Variants in CNTN4 observed in about 807,000 individuals in gnomAD.
CNTN4 encodes contactin 4, also known as contactin-4.
CNTN4 carries 77 observed loss-of-function variants against 122.5 expected under a neutral mutation model. The ratio of observed to expected loss-of-function variants is 0.63; its 90% CI spans 0.52 to 0.76. The LOEUF is 0.76. CNTN4 is among the 30% of genes least tolerant of loss of function. The probability of loss-of-function intolerance (pLI) is 0.00; values close to 1 mark genes in which losing one functional copy is unlikely to be tolerated. For missense variants in CNTN4, 1,256 were observed against 1,259.1 expected (o/e 1.00, Z 0.04); for synonymous variants, 512 against 447.0 (o/e 1.15, Z -1.83).
At chr3:2,175,516 T>C (rs1363756972) in intron 2 of CNTN4, among the ~76,000 whole-genome samples, 1 of 152,164 alleles carries the variant, frequency 6.6e-6, no homozygotes, top group Non-Finnish European at 1.5e-5. Flanking sequence ...GATTGTAAAC[T>C]CCATACAAGA....
chr3:2,103,642 G>A (rs2032180932), intron 2 of CNTN4, among the ~76,000 whole-genome samples: 1 of 152,076 alleles, frequency 6.6e-6, no homozygotes, highest in Non-Finnish European at 1.5e-5. Context: ...CAAAGGTATT[G>A]CTCTTTATCA....
At chr3:2,779,945 A>G (rs1334904122) in intron 6 of CNTN4, among the ~76,000 whole-genome samples, 2 of 152,258 alleles carry the variant, frequency 1.3e-5, no homozygotes, top group Non-Finnish European at 2.9e-5. Context: ...AGATAGTGAC[A>G]TAAGAAATTT....
At chr3:2,799,352 C>T (rs2092289533) in intron 6 of CNTN4, among the ~76,000 whole-genome samples, 1 of 152,098 alleles carries the variant, frequency 6.6e-6, no homozygotes, top group Non-Finnish European at 1.5e-5. Flanking sequence ...TTTCATGTGT[C>T]TATTTTGGCT....
intron 3 of CNTN4, among the ~76,000 whole-genome samples, chr3:2,467,633 C>T (rs2075549530): frequency 6.6e-6 from 1 of 152,038 alleles, no homozygotes; most frequent in Non-Finnish European, 1.5e-5. Flanking sequence ...TGTAAAGGTC[C>T]AGGTAGAATG....
intron 13 of CNTN4, among the ~76,000 whole-genome samples, chr3:2,960,184 G>A (rs1186728293): frequency 6.6e-6 from 1 of 152,118 alleles, no homozygotes; most frequent in East Asian, 1.9e-4. Context: ...AGTGAAAATT[G>A]GTTTGAGATA....
At chr3:2,217,949 A>G (rs2038916141) in intron 2 of CNTN4, among the ~76,000 whole-genome samples, 1 of 152,228 alleles carries the variant, frequency 6.6e-6, no homozygotes, top group African/African-American at 2.4e-5. Context: ...TTTAAAGTCT[A>G]TCAGAGGGAG....
At chr3:2,142,099 T>G (rs1250667709) in intron 2 of CNTN4, among the ~76,000 whole-genome samples, 2 of 152,220 alleles carry the variant, frequency 1.3e-5, no homozygotes, top group Non-Finnish European at 2.9e-5. Flanking sequence ...GTAAATGTGA[T>G]GGACACTGCT....
intron 5 of CNTN4, among the ~76,000 whole-genome samples, chr3:2,744,976 G>T (rs2089674275): frequency 6.6e-6 from 1 of 152,124 alleles, no homozygotes; most frequent in African/African-American, 2.4e-5. Context: ...GTGATCCACG[G>T]TTAAAGCAGG....
intron 13 of CNTN4, among the ~76,000 whole-genome samples, chr3:2,985,746 C>T (rs893201278): frequency 3.9e-5 from 6 of 152,050 alleles, no homozygotes; most frequent in African/African-American, 1.4e-4. Context: ...TACCTTGATT[C>T]GGGATGACTC....
chr3:2,764,919 C>T (rs576274669), intron 6 of CNTN4, among the ~76,000 whole-genome samples: 8 of 152,280 alleles, frequency 5.3e-5, no homozygotes, highest in African/African-American at 1.7e-4. Flanking sequence ...CTTCACACAG[C>T]TGGGAAGTTG....
chr3:2,801,843 T>TAGA (rs2092355468), intron 6 of CNTN4, among the ~76,000 whole-genome samples: 1 of 152,164 alleles, frequency 6.6e-6, no homozygotes, highest in African/African-American at 2.4e-5. Context: ...CCTCTTAACT[T>TAGA]TTCTGAGTTT....
chr3:3,011,147 G>A (rs1211340767), intron 14 of CNTN4, among the ~76,000 whole-genome samples: 1 of 152,150 alleles, frequency 6.6e-6, no homozygotes, highest in African/African-American at 2.4e-5. Context: ...TAAGATAGAA[G>A]ACAAGTGGGG....
intron 9 of CNTN4, among the ~76,000 whole-genome samples, chr3:2,885,277 G>A (rs2093959072): frequency 6.6e-6 from 1 of 152,206 alleles, no homozygotes; most frequent in African/African-American, 2.4e-5. Context: ...CAGATTCAAT[G>A]ATGCCCTCTC....
chr3:2,693,679 C>T (rs2085863249), intron 4 of CNTN4, among the ~76,000 whole-genome samples: 1 of 152,078 alleles, frequency 6.6e-6, no homozygotes, highest in South Asian at 2.1e-4. Context: ...AGAGAAATTG[C>T]TCCAAGAAAT....
chr3:2,672,982 T>C (rs761841774), intron 4 of CNTN4, among the ~76,000 whole-genome samples: 39 of 152,172 alleles, frequency 2.6e-4, no homozygotes, highest in Non-Finnish European at 5.1e-4. Context: ...ACTACAATAA[T>C]AGATATTCAA....
At chr3:2,325,000 C>G (rs1194394280) in intron 2 of CNTN4, among the ~76,000 whole-genome samples, 1 of 152,170 alleles carries the variant, frequency 6.6e-6, no homozygotes, top group African/African-American at 2.4e-5. Flanking sequence ...AATGTACATT[C>G]TCTTATAGTA....
chr3:2,149,810 T>C (rs1444640319), intron 2 of CNTN4, among the ~76,000 whole-genome samples: 1 of 152,142 alleles, frequency 6.6e-6, no homozygotes, highest in African/African-American at 2.4e-5. Context: ...CTACAGGTTG[T>C]GTAGTTGCAG....
rs140232730 is a variant in CNTN4, at chr3:3,056,079, G to T, written c.2981-41G>T. The T allele has an allele frequency of 4.6e-4, 695 of 1,522,726 alleles. 2 individuals are homozygous for T. In the African/African-American group the frequency reaches 6.5e-3, roughly 14 times the overall value. The allele number at this position is 1,522,726 out of a possible 1,614,324, so 94.3% of individuals were successfully genotyped here. On this transcript the variant is annotated intron_variant, in intron 24 of 24. Transcript: ENST00000418658. The stretch of plus-strand genomic sequence containing the variant: ...CGTGGCCCCTCTTCCCTTTGAAGCC[G>T]GGATGGGGCTGTTTTGAGTGAATTT...
At chr3:2,338,593 AGTGT>A (rs1397771960) in intron 2 of CNTN4, among the ~76,000 whole-genome samples, 15 of 151,880 alleles carry the variant, frequency 9.9e-5, no homozygotes, top group Admixed American at 6.6e-4. Flanking sequence ...CGTAAAATTA[AGTGT>A]GTGTGTATTT....
Sources: allele counts gnomAD v4.1 joint callset (sites outside exome capture counted in the v4.1 genomes callset), GRCh38; gene constraint gnomAD v4.1.1; transcripts MANE v1.5; gene names NCBI Gene and HGNC (gene_info 2026-07-23, HGNC 2026-07-21).